Variants in C1orf115 observed in about 807,000 individuals in gnomAD.
C1orf115 encodes the protein required for drug-induced death protein 1.
Under a neutral mutation model 12.5 loss-of-function variants are expected in C1orf115, and 14 were observed. That is an observed-to-expected ratio of 1.12 (90% confidence interval 0.74 to 1.75). C1orf115 has a LOEUF of 1.75. C1orf115 is among the 40% of genes most tolerant of loss of function. The pLI is 0.00. For synonymous variants in C1orf115, 109 were observed against 104.6 expected, an observed-to-expected ratio of 1.04 and a Z score of -0.26; for missense variants, 237 against 220.8, an observed-to-expected ratio of 1.07 and a Z score of -0.46.
rs981807894 is a variant in C1orf115 at position 220,696,813 on chromosome 1, C to T, written c.*82C>T. ...TTTGTGAATCCTGGAGCATCTCAGA[C>T]TTGAACACACAGCATATTTGGAAGA... On this transcript the variant is annotated 3_prime_UTR_variant, in exon 2 of 2. Coordinates refer to ENST00000294889, the MANE Select transcript of C1orf115 (RefSeq NM_024709.5). The T allele has an allele frequency of 1.4e-6, 2 of 1,466,308 alleles. No homozygotes were observed. Among genetic ancestry groups the T allele is most frequent in the South Asian group, 2.8e-5 (2 of 71,628 alleles). 90.8% of individuals were successfully genotyped at this position (1,466,308 alleles called of 1,614,324 possible).
chr1:220,693,294 T>C (rs879599263), intron 1 of C1orf115, among the ~76,000 whole-genome samples: 58 of 152,328 alleles, frequency 3.8e-4, no homozygotes, highest in Non-Finnish European at 6.8e-4. Flanking sequence ...AGATTTTTTT[T>C]CCCTAAATTA....
At chr1:220,690,810 G>C (rs976837450) in intron 1 of C1orf115, 99 bp downstream of exon 1, 6 of 1,373,012 alleles carry the variant, frequency 4.4e-6, no homozygotes, top group Non-Finnish European at 5.9e-6. Context: ...CAGTTTCTCC[G>C]GGCTGCACCT....
rs766336373 is a variant in C1orf115, at chr1:220,696,749, G to A, written c.*18G>A. Reference sequence around the variant, plus strand: ...TGCGCTAATGGGAGCTGCTGTGGCAGGTGCCCCCAGAGTGAACGGGAGCCC... The same window carrying A: ...TGCGCTAATGGGAGCTGCTGTGGCAAGTGCCCCCAGAGTGAACGGGAGCCC... On this transcript the variant is annotated 3_prime_UTR_variant, in exon 2 of 2. Coordinates refer to ENST00000294889, the MANE Select transcript of C1orf115 (RefSeq NM_024709.5). 1 of 1,572,566 alleles carries A rather than the reference G, an allele frequency of 6.4e-7. No individual in the cohort carries two copies. The highest frequency in any genetic ancestry group is 8.7e-7 in the Non-Finnish European group (1 of 1,147,408).
intron 1 of C1orf115, among the ~76,000 whole-genome samples, chr1:220,694,907 G>A (rs1320118622): frequency 6.6e-6 from 1 of 152,212 alleles, no homozygotes; most frequent in Non-Finnish European, 1.5e-5. Flanking sequence ...ACATTTTAAA[G>A]TCTGGTAGAA....
intron 1 of C1orf115, among the ~76,000 whole-genome samples, chr1:220,694,796 G>C (rs1354546292): frequency 6.6e-6 from 1 of 152,172 alleles, no homozygotes; most frequent in Non-Finnish European, 1.5e-5. Flanking sequence ...AAATCTAGGA[G>C]ATACTTGTAG....
In C1orf115 at chr1:220,690,839, C is replaced by G. The variant is rs561375522; in HGVS notation, c.309+128C>G. On this transcript the variant is annotated intron_variant, in intron 1 of 1. Transcript: ENST00000294889. ...TGCACCTGCGACCCCTCCGCCCCCGCTCCCATTCCCTCGCCGGAGGGAAGC... is the reference window on the plus strand; with the variant it reads ...TGCACCTGCGACCCCTCCGCCCCCGGTCCCATTCCCTCGCCGGAGGGAAGC... 1.0e-3 allele frequency: 1,172 copies of G among 1,120,560 alleles called. 9 individuals carry two copies. In the African/African-American group the frequency reaches 0.018, roughly 17 times the overall value. The allele number at this position is 1,120,560 out of a possible 1,614,324, so 69.4% of individuals were successfully genotyped here.
Position 220,690,492 on chromosome 1 carries a change from G to T in C1orf115, c.90G>T (p.Glu30Asp), listed in dbSNP as rs1427941399. ...GGCGAGGGCGAACCGAGGGGGACGA[G>T]GAGGCGGCCGCCATCCTGGAGCACC... ...PRGRGRTEGD[E>D]EAAAILEHLE... Residue 30 changes from glutamate to aspartate, a missense_variant, in exon 1 of 2, where the codon GAG (glutamate) becomes GAT (aspartate). By Grantham distance (45) the Glu-to-Asp change is conservative (BLOSUM62 2). Coordinates refer to ENST00000294889, the MANE Select transcript of C1orf115 (RefSeq NM_024709.5). 3.5e-6 allele frequency: 5 copies of T among 1,434,858 alleles called. No homozygotes were observed. The highest frequency in any genetic ancestry group is 4.5e-6 in the Non-Finnish European group (5 of 1,100,772). The allele number at this position is 1,434,858 out of a possible 1,614,324, so 88.9% of individuals were successfully genotyped here.
At chr1:220,695,494 GTTTTTT>G (rs10602094) in intron 1 of C1orf115, among the ~76,000 whole-genome samples, 119 of 116,386 alleles carry the variant, frequency 1.0e-3, no homozygotes, top group African/African-American at 3.9e-3. Flanking sequence ...CGATGTCTGG[GTTTTTT>G]TTTTTTTTTT....
rs1466540120 is a variant in C1orf115, at chr1:220,690,566, C to T, written c.164C>T (p.Ala55Val). 2 of 1,482,528 alleles carry T rather than the reference C, an allele frequency of 1.3e-6. No individual in the cohort carries two copies. Among genetic ancestry groups the T allele is most frequent in the Non-Finnish European group, 1.8e-6 (2 of 1,120,840 alleles). 91.8% of individuals were successfully genotyped at this position (1,482,528 alleles called of 1,614,324 possible). The change falls in exon 1 of 2, where the codon GCG becomes GTG. Residue 55 changes from alanine (A) to valine (V), a missense_variant. Transcript: ENST00000294889. Reference sequence around the variant, plus strand: ...GCGGCGGCCGAGAGCGGGACGAGCGCGGCGGACGAGCGGGGCCCGGGGACC... The same window carrying T: ...GCGGCGGCCGAGAGCGGGACGAGCGTGGCGGACGAGCGGGGCCCGGGGACC... ...AEAAAESGTSAADERGPGTRG... is the reference protein window; with the variant it reads ...AEAAAESGTSVADERGPGTRG...
At chr1:220,690,912 G>A (rs1670094575) in intron 1 of C1orf115, among the ~76,000 whole-genome samples, 1 of 152,178 alleles carries the variant, frequency 6.6e-6, no homozygotes, top group Admixed American at 6.5e-5. Flanking sequence ...GTTGCGCTGG[G>A]TGGTCCCTGC....
rs1353529895 is a variant in C1orf115 at position 220,696,732 on chromosome 1, T to A, written c.*1T>A. 6.3e-7 allele frequency: 1 copy of A among 1,581,376 alleles called. No homozygotes were observed. Among genetic ancestry groups the A allele is most frequent in the African/African-American group, 1.3e-5 (1 of 74,468 alleles). ...CAGCGTGGTATCCTTCGTGCGCTAA[T>A]GGGAGCTGCTGTGGCAGGTGCCCCC... On this transcript the variant is annotated 3_prime_UTR_variant, in exon 2 of 2. Coordinates refer to ENST00000294889, the MANE Select transcript of C1orf115 (RefSeq NM_024709.5).
Position 220,696,678 on chromosome 1 carries a change from G to A in C1orf115, c.376G>A (p.Ala126Thr), listed in dbSNP as rs1247891599. 7 of 1,604,162 alleles carry A rather than the reference G, an allele frequency of 4.4e-6. No homozygotes were observed. Among genetic ancestry groups the A allele is most frequent in the Non-Finnish European group, 8.5e-7 (1 of 1,171,650 alleles). The change falls in exon 2 of 2, where the codon GCC (alanine) becomes ACC (threonine). Residue 126 changes from alanine to threonine, a missense_variant. Transcript: ENST00000294889. ...CATCGGCCTGCAAGGCTTCGCTGCA[G>A]CCTACTCCGCCCCGTTTGCGGTAGC... Reference protein sequence around the residue: ...VVIGLQGFAAAYSAPFAVATS... With the variant: ...VVIGLQGFAATYSAPFAVATS...
intron 1 of C1orf115, among the ~76,000 whole-genome samples, chr1:220,693,007 A>T (rs1025747119): frequency 6.6e-6 from 1 of 152,144 alleles, no homozygotes; most frequent in African/African-American, 2.4e-5. Context: ...TCTGCCCTTC[A>T]AAAGTGACTT....
Position 220,696,756 on chromosome 1 carries a change from C to A in C1orf115, c.*25C>A, listed in dbSNP as rs752400954. On this transcript the variant is annotated 3_prime_UTR_variant, in exon 2 of 2. Coordinates refer to ENST00000294889, the MANE Select transcript of C1orf115 (RefSeq NM_024709.5). ...ATGGGAGCTGCTGTGGCAGGTGCCC[C>A]CAGAGTGAACGGGAGCCCCTGCTGT... 127 of 1,561,796 alleles carry A rather than the reference C, an allele frequency of 8.1e-5. No individual in the cohort carries two copies. Among genetic ancestry groups the A allele is most frequent in the Non-Finnish European group, 1.1e-4 (122 of 1,140,400 alleles).
In C1orf115 at chr1:220,690,526, G is replaced by A; in HGVS notation, c.124G>A (p.Ala42Thr). The A allele has an allele frequency of 1.4e-6, 2 of 1,441,932 alleles. No individual in the cohort carries two copies. The highest frequency in any genetic ancestry group is 1.5e-5 in the South Asian group (1 of 67,162). 89.3% of individuals were successfully genotyped at this position (1,441,932 alleles called of 1,614,324 possible). A position where few individuals can be genotyped will look rare whatever the true frequency, so the allele number is the denominator to read the frequency against. ...CGCCATCCTGGAGCACCTGGAGTAC[G>A]CGGACGAGGCGGAGGCGGCGGCCGA... ...AAAILEHLEY[A>T]DEAEAAAESG... Residue 42 changes from alanine (A) to threonine (T), a missense_variant, in exon 1 of 2, where the codon GCG becomes ACG. Coordinates refer to ENST00000294889, the MANE Select transcript of C1orf115 (RefSeq NM_024709.5).
At chr1:220,695,185 T>A (rs1207861368) in intron 1 of C1orf115, among the ~76,000 whole-genome samples, 1 of 152,080 alleles carries the variant, frequency 6.6e-6, no homozygotes, top group Non-Finnish European at 1.5e-5. Flanking sequence ...GTATATGTGG[T>A]TGGCTCTTTT....
chr1:220,690,622 C>T lies in C1orf115; in HGVS notation c.220C>T (p.Leu74=). The change falls in exon 1 of 2, where the codon CTG becomes TTG. Residue 74 remains leucine (L), a synonymous_variant. Coordinates refer to ENST00000294889, the MANE Select transcript of C1orf115 (RefSeq NM_024709.5). Reference sequence around the variant, plus strand: ...CGCGCGGAGGGTGCACTTCGCCCTCCTGCCCGAGCGCTACGAGCCACTGGA... The same window carrying T: ...CGCGCGGAGGGTGCACTTCGCCCTCTTGCCCGAGCGCTACGAGCCACTGGA... ...RGARRVHFAL[L]PERYEPLEEP... is the part of the protein sequence containing the mutation. 1 of 1,552,538 alleles carries T rather than the reference C, an allele frequency of 6.4e-7. No individual in the cohort carries two copies. The highest frequency in any genetic ancestry group is 1.2e-5 in the South Asian group (1 of 84,990).
intron 1 of C1orf115, 105 bp from the exon 2 acceptor site, chr1:220,696,507 A>C: frequency 7.7e-7 from 1 of 1,290,704 alleles, no homozygotes. Flanking sequence ...AGGAAAAATG[A>C]TCTTTATATA....
intron 1 of C1orf115, among the ~76,000 whole-genome samples, chr1:220,693,827 C>T (rs1411549015): frequency 6.6e-6 from 1 of 152,026 alleles, no homozygotes; most frequent in Non-Finnish European, 1.5e-5. Context: ...ACATGTAATC[C>T]CAGCACTTTG....
Sources: allele counts gnomAD v4.1 joint callset (sites outside exome capture counted in the v4.1 genomes callset), GRCh38; gene constraint gnomAD v4.1.1; transcripts MANE v1.5; gene names NCBI Gene and HGNC (gene_info 2026-07-23, HGNC 2026-07-21).